The following TULP4 variants were observed in gnomAD, a reference collection of about 807,000 sequenced individuals.
The protein encoded by TULP4 is TUB like protein 4.
TULP4 carries 16 observed loss-of-function variants against 129.0 expected under a neutral mutation model. The observed-to-expected ratio is 0.12, with a 90% confidence interval of 0.08 to 0.19. The LOEUF (loss-of-function observed/expected upper bound fraction) is 0.19, where lower values mean the gene tolerates loss of function less well. Among genes scored for constraint, TULP4 ranks in the 10% least tolerant of loss-of-function variants. TULP4 has a pLI of 1.00. For missense variants in TULP4, 1,842 were observed against 2,059.1 expected (o/e 0.89, Z 2.04); for synonymous variants, 998 against 854.0 (o/e 1.17, Z -2.94).
At chr6:158,247,244 T>C (rs1292649719) in intron 1 of TULP4, among the ~76,000 whole-genome samples, 4 of 152,190 alleles carry the variant, frequency 2.6e-5, no homozygotes, top group Non-Finnish European at 4.4e-5. Context: ...GATAAAGTGC[T>C]TGTAGAGTCT....
At chr6:158,268,484 T>C (rs1362821219) in intron 1 of TULP4, among the ~76,000 whole-genome samples, 1 of 152,216 alleles carries the variant, frequency 6.6e-6, no homozygotes. Flanking sequence ...GGGTAATTTA[T>C]AAACAGTAGA....
chr6:158,476,233 A>G (rs538186596), intron 6 of TULP4, among the ~76,000 whole-genome samples: 2 of 152,204 alleles, frequency 1.3e-5, no homozygotes, highest in Non-Finnish European at 2.9e-5. Context: ...GCCCTCTCCC[A>G]GAGTAAGTTT....
chr6:158,318,501 C>A (rs759251406), intron 1 of TULP4, among the ~76,000 whole-genome samples: 1 of 152,146 alleles, frequency 6.6e-6, no homozygotes, highest in African/African-American at 2.4e-5. Flanking sequence ...ACAGCAGACT[C>A]ATGGGAAGAT....
rs199783391 is a variant in TULP4, at chr6:158,493,550, C to T, written c.1632-23C>T. Reference sequence around the variant, plus strand: ...ACCATTCCCGCCACGGATGCCTGACCCCTCCTGGCCTTGCCTCCCCAGGAT... The same window carrying T: ...ACCATTCCCGCCACGGATGCCTGACTCCTCCTGGCCTTGCCTCCCCAGGAT... On this transcript the variant is annotated intron_variant, in intron 9 of 13. Transcript: ENST00000367097. This position sits in a 1 kb window ranked among gnomAD's most constrained non-coding sequence, Gnocchi z 4.4. 1 of 1,451,892 alleles carries T rather than the reference C, an allele frequency of 6.9e-7. No homozygotes were observed. Among genetic ancestry groups the T allele is most frequent in the Non-Finnish European group, 9.1e-7 (1 of 1,099,358 alleles). The allele number at this position is 1,451,892 out of a possible 1,614,324, so 89.9% of individuals were successfully genotyped here. A position where few individuals can be genotyped will look rare whatever the true frequency, so the allele number is the denominator to read the frequency against.
At chr6:158,426,697 T>G (rs1778502308) in intron 2 of TULP4, among the ~76,000 whole-genome samples, 1 of 152,350 alleles carries the variant, frequency 6.6e-6, no homozygotes, top group Admixed American at 6.5e-5. Flanking sequence ...GCCTTGGATC[T>G]TTGGGCTCTT....
intron 1 of TULP4, among the ~76,000 whole-genome samples, chr6:158,379,147 G>C (rs1253651900): frequency 6.6e-6 from 1 of 152,178 alleles, no homozygotes. Flanking sequence ...GATGTATTCT[G>C]AAGGTAGAGT....
At chr6:158,450,659 A>G (rs1289065836) in intron 4 of TULP4, among the ~76,000 whole-genome samples, 1 of 152,102 alleles carries the variant, frequency 6.6e-6, no homozygotes, top group Non-Finnish European at 1.5e-5. Context: ...TCATAATAGT[A>G]AAGTCAGTGT....
intron 5 of TULP4, among the ~76,000 whole-genome samples, chr6:158,461,284 G>A (rs963837855): frequency 1.3e-5 from 2 of 152,002 alleles, no homozygotes; most frequent in African/African-American, 4.8e-5. Flanking sequence ...GGTGGCACGC[G>A]CCCGTAGTCC....
intron 1 of TULP4, among the ~76,000 whole-genome samples, chr6:158,268,007 CTTTTCTTTTCTTTTCT>C (rs1466612887): frequency 9.6e-6 from 1 of 104,108 alleles, no homozygotes; most frequent in African/African-American, 3.2e-5. Flanking sequence ...TTGATCTTTT[CTTTTCTTTTCTTTTCT>C]TTTTCTTTTT....
At chr6:158,451,072 GAA>G (rs974337493) in intron 4 of TULP4, among the ~76,000 whole-genome samples, 2 of 150,374 alleles carry the variant, frequency 1.3e-5, no homozygotes, top group African/African-American at 2.4e-5. Context: ...TTCAAAAAAA[GAA>G]AAAGGAAAAA....
At chr6:158,314,735 G>A (rs952668288) in intron 1 of TULP4, among the ~76,000 whole-genome samples, 10 of 152,208 alleles carry the variant, frequency 6.6e-5, no homozygotes, top group African/African-American at 2.4e-4. Context: ...CGTTCCTTTG[G>A]TGATGGCTTA....
intron 1 of TULP4, among the ~76,000 whole-genome samples, chr6:158,235,287 A>G (rs1477208000): frequency 6.6e-6 from 1 of 152,090 alleles, no homozygotes; most frequent in Non-Finnish European, 1.5e-5. Context: ...TCAGATTCCC[A>G]AACTGAAACT....
At chr6:158,359,845 G>A (rs1004760825) in intron 1 of TULP4, among the ~76,000 whole-genome samples, 4 of 152,158 alleles carry the variant, frequency 2.6e-5, no homozygotes, top group African/African-American at 9.7e-5. Context: ...ATAGGCCTTG[G>A]TACGAATTTT....
At chr6:158,473,757 T>G (rs1233708468) in intron 6 of TULP4, among the ~76,000 whole-genome samples, 2 of 152,192 alleles carry the variant, frequency 1.3e-5, no homozygotes, top group Non-Finnish European at 2.9e-5. Context: ...CTGACCTCAC[T>G]GATTCTCCTG....
Position 158,451,383 on chromosome 6 carries a change from A to G in TULP4, c.725-751A>G, listed in dbSNP as rs562025157. ...ACAACTGGCAGGTAGGCCCACCTCGATGGCTGCTAAGATGAGCCCAGTGTG... is the reference window on the plus strand; with the variant it reads ...ACAACTGGCAGGTAGGCCCACCTCGGTGGCTGCTAAGATGAGCCCAGTGTG... On this transcript the variant is annotated intron_variant, in intron 4 of 13. Coordinates refer to ENST00000367097, the MANE Select transcript of TULP4 (RefSeq NM_020245.5). Among the ~76,000 whole-genome samples, 103 of 152,344 alleles carry G rather than the reference A, an allele frequency of 6.8e-4. 1 individual carries two copies. The highest frequency in any genetic ancestry group is 2.2e-3 in the African/African-American group (92 of 41,586).
At chr6:158,339,521 T>C (rs1489884562) in intron 1 of TULP4, among the ~76,000 whole-genome samples, 1 of 152,156 alleles carries the variant, frequency 6.6e-6, no homozygotes, top group Non-Finnish European at 1.5e-5. Flanking sequence ...CATCCCTATC[T>C]ACATCTGCAT....
At chr6:158,404,952 T>TA (rs1419391687) in intron 1 of TULP4, among the ~76,000 whole-genome samples, 1 of 152,134 alleles carries the variant, frequency 6.6e-6, no homozygotes, top group Admixed American at 6.5e-5. Flanking sequence ...TTTAAACTGT[T>TA]ATATATGTCA....
chr6:158,234,983 A>G (rs555853061), intron 1 of TULP4, among the ~76,000 whole-genome samples: 1 of 152,256 alleles, frequency 6.6e-6, no homozygotes, highest in East Asian at 1.9e-4. Flanking sequence ...CCTGGCCAAC[A>G]TGGTGAAACC....
chr6:158,332,181 AAAAAAAAAAAAAAAAAAAAATAT>A (rs1307098571), intron 1 of TULP4, among the ~76,000 whole-genome samples: 7 of 77,268 alleles, frequency 9.1e-5, no homozygotes, highest in South Asian at 4.6e-4. Flanking sequence ...AAAAAAAAAA[AAAAAAAAAAAAAAAAAAAAATAT>A]ATATATATAT....
Sources: gnomAD v4.1 joint callset for allele counts (sites outside exome capture counted in the v4.1 genomes callset) on GRCh38, gnomAD v4.1.1 for gene constraint, Gnocchi (gnomAD v3.1) non-coding constraint, MANE v1.5 for transcripts, NCBI Gene and HGNC (gene_info 2026-07-23, HGNC 2026-07-21) for gene names.